BEND5: variants seen among roughly 807,000 people sequenced by gnomAD.
The protein encoded by BEND5 is BEN domain-containing protein 5.
In BEND5, 22 loss-of-function variants were observed where a neutral mutation model predicts 43.9. The observed-to-expected ratio is 0.50, with a 90% CI of 0.36 to 0.72. The LOEUF is 0.72. Among genes scored for constraint, BEND5 ranks in the 30% least tolerant of loss-of-function variants. The pLI is 0.00. For missense variants in BEND5, 428 were observed against 550.6 expected (o/e 0.78, Z 2.23); for synonymous variants, 228 against 225.9 (o/e 1.01, Z -0.08).
intron 3 of BEND5, among the ~76,000 whole-genome samples, chr1:48,750,991 C>T (rs1049819682): frequency 6.6e-6 from 1 of 152,174 alleles, no homozygotes; most frequent in Non-Finnish European, 1.5e-5. Context: ...AACATCCATC[C>T]ATGTTGGCTG....
intron 3 of BEND5, among the ~76,000 whole-genome samples, chr1:48,754,281 G>A (rs780935150): frequency 6.6e-6 from 1 of 152,096 alleles, no homozygotes; most frequent in Non-Finnish European, 1.5e-5. Context: ...CTATTGTTCT[G>A]CTTCCCTTCA....
intron 1 of BEND5, among the ~76,000 whole-genome samples, chr1:48,762,439 CCCTTGTGGTAAAATA>C (rs1302677945): frequency 3.3e-5 from 5 of 152,062 alleles, no homozygotes; most frequent in African/African-American, 1.2e-4. Context: ...CTGGACTGTC[CCCTTGTGGTAAAATA>C]CTTTGTGTTC....
chr1:48,736,165 G>C lies in BEND5; in HGVS notation c.1108+74C>G. On this transcript the variant is annotated intron_variant, in intron 5 of 5. Transcript: ENST00000371833. This position sits in a 1 kb window ranked among gnomAD's most constrained non-coding sequence, Gnocchi z 4.0. Reference sequence around the variant, plus strand: ...AAGCTTCATAAGTAATCGTTGAATTGAATTGTGCCTAACACATTCTTGACA... The same window carrying C: ...AAGCTTCATAAGTAATCGTTGAATTCAATTGTGCCTAACACATTCTTGACA... 2 of 1,494,018 alleles carry C rather than the reference G, an allele frequency of 1.3e-6. No homozygotes were observed. The highest frequency in any genetic ancestry group is 1.1e-5 in the South Asian group (1 of 87,248). The allele number at this position is 1,494,018 out of a possible 1,614,324, so 92.5% of individuals were successfully genotyped here.
At chr1:48,754,184 G>A (rs2148640711) in intron 3 of BEND5, among the ~76,000 whole-genome samples, 1 of 152,260 alleles carries the variant, frequency 6.6e-6, no homozygotes, top group East Asian at 1.9e-4. Flanking sequence ...TCTAAGAACA[G>A]GGAATCTAGC....
chr1:48,773,896 A>G (rs899801295), intron 1 of BEND5, among the ~76,000 whole-genome samples: 3 of 152,234 alleles, frequency 2.0e-5, no homozygotes, highest in African/African-American at 7.2e-5. Context: ...GACTATCAGG[A>G]AAGAAGGAGT....
intron 3 of BEND5, among the ~76,000 whole-genome samples, chr1:48,748,427 G>C (rs116471127): frequency 0.014 from 2,143 of 152,318 alleles, 56 homozygotes; most frequent in African/African-American, 0.05. Context: ...TCACTGTCCA[G>C]CAGTGGAAAG....
At chr1:48,728,117 A>C in intron 5 of BEND5, 74 bp from the exon 6 acceptor site, 1 of 1,354,954 alleles carries the variant, frequency 7.4e-7, no homozygotes, top group African/African-American at 1.5e-5. Flanking sequence ...AGGGTAAAAG[A>C]AAATGTACCT....
chr1:48,743,055 C>A (rs769807122), intron 3 of BEND5, among the ~76,000 whole-genome samples: 1 of 152,192 alleles, frequency 6.6e-6, no homozygotes, highest in Non-Finnish European at 1.5e-5. Flanking sequence ...AGGGATTCAA[C>A]TTCCTGCATA....
intron 3 of BEND5, among the ~76,000 whole-genome samples, chr1:48,745,692 G>C (rs578098888): frequency 6.6e-6 from 1 of 152,286 alleles, no homozygotes; most frequent in African/African-American, 2.4e-5. Context: ...CTCCAATGAG[G>C]CTGCCCTATC....
intron 2 of BEND5, chr1:48,761,113 A>G (rs767539900): frequency 9.8e-6 from 5 of 510,040 alleles, no homozygotes; most frequent in South Asian, 9.6e-5. Flanking sequence ...CTGTGCAAAC[A>G]GGACCAAGCT....
At chr1:48,729,445 G>C (rs1647740814) in intron 5 of BEND5, among the ~76,000 whole-genome samples, 1 of 152,134 alleles carries the variant, frequency 6.6e-6, no homozygotes, top group Non-Finnish European at 1.5e-5. Flanking sequence ...AAATAGGAAT[G>C]ACAATTCAAC....
intron 5 of BEND5, among the ~76,000 whole-genome samples, chr1:48,735,825 G>GTTCAAGAT (rs1389697766): frequency 6.6e-6 from 1 of 151,682 alleles, no homozygotes; most frequent in African/African-American, 2.4e-5. Context: ...CCATGCCTTT[G>GTTCAAGAT]TTCAAGATGC....
At chr1:48,745,322 T>C (rs1157442485) in intron 3 of BEND5, among the ~76,000 whole-genome samples, 1 of 152,074 alleles carries the variant, frequency 6.6e-6, no homozygotes, top group African/African-American at 2.4e-5. Flanking sequence ...GTCCGAGAAG[T>C]AGAAATCAGG....
At chr1:48,764,234 T>C (rs1644418288) in intron 1 of BEND5, among the ~76,000 whole-genome samples, 1 of 152,238 alleles carries the variant, frequency 6.6e-6, no homozygotes, top group African/African-American at 2.4e-5. Context: ...GCATTTGAGC[T>C]AGACTCCTTA....
chr1:48,758,780 G>T, intron 3 of BEND5, 120 bp downstream of exon 3: 2 of 872,852 alleles, frequency 2.3e-6, no homozygotes, highest in Non-Finnish European at 3.3e-6. Flanking sequence ...TAAGCCAAGA[G>T]TCTGTCCTTC....
chr1:48,747,432 CCT>C (rs1287966469), intron 3 of BEND5, among the ~76,000 whole-genome samples: 1 of 152,144 alleles, frequency 6.6e-6, no homozygotes, highest in Non-Finnish European at 1.5e-5. Flanking sequence ...TCACACAACC[CCT>C]GACTGCATAT....
chr1:48,762,665 T>TGTAC (rs61362148), intron 1 of BEND5, among the ~76,000 whole-genome samples: 1 of 150,880 alleles, frequency 6.6e-6, no homozygotes, highest in Non-Finnish European at 1.5e-5. Flanking sequence ...TGTGTATGTA[T>TGTAC]TTGCATGTGT....
At chr1:48,733,913 C>A (rs1374879367) in intron 5 of BEND5, among the ~76,000 whole-genome samples, 1 of 152,066 alleles carries the variant, frequency 6.6e-6, no homozygotes, top group East Asian at 1.9e-4. Flanking sequence ...TCCCCAGATC[C>A]CTGAAGGAGA....
intron 3 of BEND5, among the ~76,000 whole-genome samples, chr1:48,752,981 C>T (rs1019724338): frequency 6.6e-6 from 1 of 152,178 alleles, no homozygotes; most frequent in Non-Finnish European, 1.5e-5. Context: ...ATCTCTTGAC[C>T]TCGTGATCCG....
Sources: gnomAD v4.1 joint callset for allele counts (sites outside exome capture counted in the v4.1 genomes callset) on GRCh38, gnomAD v4.1.1 for gene constraint, Gnocchi (gnomAD v3.1) non-coding constraint, MANE v1.5 for transcripts, NCBI Gene and HGNC (gene_info 2026-07-23, HGNC 2026-07-21) for gene names.